STXBP5L: variants seen among roughly 807,000 people sequenced by gnomAD.
STXBP5L encodes the protein syntaxin binding protein 5L, also known as syntaxin-binding protein 5-like.
Under a neutral mutation model 144.5 loss-of-function variants are expected in STXBP5L, and 65 were observed. The ratio of observed to expected loss-of-function variants is 0.45; its 90% CI spans 0.37 to 0.55. The LOEUF (loss-of-function observed/expected upper bound fraction) is 0.55, where lower values mean the gene tolerates loss of function less well. Ranked by LOEUF, STXBP5L falls within the 20% of genes least tolerant of loss-of-function variation. STXBP5L has a pLI of 0.00. For missense variants in STXBP5L, 1,298 were observed against 1,405.5 expected (o/e 0.92, Z 1.22); for synonymous variants, 505 against 469.6 (o/e 1.08, Z -0.97).
intron 2 of STXBP5L, among the ~76,000 whole-genome samples, chr3:120,917,106 T>C (rs1709140338): frequency 6.6e-6 from 1 of 152,194 alleles, no homozygotes; most frequent in Non-Finnish European, 1.5e-5. Flanking sequence ...ATCTGAAGCA[T>C]TCTTTAGAGA....
chr3:121,055,670 C>T (rs1018371842), intron 5 of STXBP5L, among the ~76,000 whole-genome samples: 1 of 147,170 alleles, frequency 6.8e-6, no homozygotes, highest in Non-Finnish European at 1.5e-5. Flanking sequence ...CTACCATACC[C>T]AGCTATTTTT....
chr3:121,311,508 T>C (rs1029237074), intron 19 of STXBP5L, among the ~76,000 whole-genome samples: 1 of 152,214 alleles, frequency 6.6e-6, no homozygotes, highest in Non-Finnish European at 1.5e-5. Flanking sequence ...ATGAAATAAA[T>C]GTTATATACA....
chr3:121,027,071 G>A (rs985291118), intron 3 of STXBP5L, among the ~76,000 whole-genome samples: 3 of 151,750 alleles, frequency 2.0e-5, no homozygotes, highest in Admixed American at 2.0e-4. Flanking sequence ...CAAAATGAAT[G>A]TAAGTTTTTC....
chr3:121,303,786 C>A (rs1181377122), intron 19 of STXBP5L, among the ~76,000 whole-genome samples: 3 of 151,940 alleles, frequency 2.0e-5, no homozygotes, highest in Admixed American at 6.6e-5. Context: ...GGACAAAAAA[C>A]CAAACACTAC....
intron 3 of STXBP5L, among the ~76,000 whole-genome samples, chr3:121,014,916 T>C (rs748382948): frequency 2.0e-5 from 3 of 152,066 alleles, no homozygotes; most frequent in Non-Finnish European, 2.9e-5. Flanking sequence ...TTAACTTTAA[T>C]ATTGATAAAA....
intron 9 of STXBP5L, among the ~76,000 whole-genome samples, chr3:121,176,593 T>G (rs2046945813): frequency 6.7e-6 from 1 of 150,272 alleles, no homozygotes; most frequent in Non-Finnish European, 1.5e-5. Flanking sequence ...ATCAAAAATT[T>G]AAAAATTATG....
At chr3:120,957,190 C>T (rs2107712706) in intron 3 of STXBP5L, among the ~76,000 whole-genome samples, 1 of 151,920 alleles carries the variant, frequency 6.6e-6, no homozygotes, top group East Asian at 1.9e-4. Context: ...AGGTATGTTT[C>T]TATGTTACTA....
intron 19 of STXBP5L, among the ~76,000 whole-genome samples, chr3:121,303,663 TG>T (rs1245195111): frequency 6.6e-6 from 1 of 152,058 alleles, no homozygotes; most frequent in East Asian, 1.9e-4. Context: ...ATTAAGAAAA[TG>T]TGGCACATAT....
chr3:121,204,581 A>G (rs1204529154), intron 9 of STXBP5L, among the ~76,000 whole-genome samples: 1 of 148,180 alleles, frequency 6.7e-6, no homozygotes, highest in African/African-American at 2.4e-5. Flanking sequence ...ATTTAAAGCT[A>G]TATGCATGTA....
intron 24 of STXBP5L, among the ~76,000 whole-genome samples, chr3:121,414,405 CTCACT>C (rs2047187387): frequency 6.6e-6 from 1 of 152,180 alleles, no homozygotes; most frequent in Admixed American, 6.6e-5. Flanking sequence ...TGTGACCACC[CTCACT>C]TAAGGTTAAA....
intron 23 of STXBP5L, among the ~76,000 whole-genome samples, chr3:121,410,351 C>T (rs2047087481): frequency 6.6e-6 from 1 of 151,714 alleles, no homozygotes; most frequent in African/African-American, 2.4e-5. Context: ...TTCATGTGTT[C>T]CTGAGGATCC....
chr3:121,133,948 C>T (rs2045120448), intron 7 of STXBP5L, among the ~76,000 whole-genome samples: 1 of 152,156 alleles, frequency 6.6e-6, no homozygotes, highest in Admixed American at 6.5e-5. Context: ...ATCCAGTCAC[C>T]TGCCACCAGT....
At chr3:121,144,151 A>G (rs2045625616) in intron 7 of STXBP5L, among the ~76,000 whole-genome samples, 1 of 151,596 alleles carries the variant, frequency 6.6e-6, no homozygotes, top group Admixed American at 6.6e-5. Context: ...AAAAAAAAAA[A>G]AAAAAAATCT....
At chr3:120,958,182 C>A (rs569901149) in intron 3 of STXBP5L, among the ~76,000 whole-genome samples, 1 of 152,278 alleles carries the variant, frequency 6.6e-6, no homozygotes, top group South Asian at 2.1e-4. Flanking sequence ...TTCCTGGACA[C>A]ATACACCCTC....
chr3:121,234,858 A>T (rs2049423516), intron 12 of STXBP5L, among the ~76,000 whole-genome samples: 1 of 151,906 alleles, frequency 6.6e-6, no homozygotes, highest in African/African-American at 2.4e-5. Context: ...TTATTAAAAC[A>T]TACTCTTCTA....
intron 10 of STXBP5L, among the ~76,000 whole-genome samples, chr3:121,222,483 A>C (rs2049002892): frequency 6.6e-6 from 1 of 151,732 alleles, no homozygotes; most frequent in African/African-American, 2.4e-5. Flanking sequence ...TTTTATCTTT[A>C]CTCTTTTTTC....
intron 19 of STXBP5L, among the ~76,000 whole-genome samples, chr3:121,316,608 A>G (rs2043796995): frequency 6.6e-6 from 1 of 152,184 alleles, no homozygotes; most frequent in Non-Finnish European, 1.5e-5. Flanking sequence ...AGGTGGGAAA[A>G]CGATAATTTA....
At chr3:121,329,200 C>T (rs2044246666) in intron 20 of STXBP5L, among the ~76,000 whole-genome samples, 1 of 152,038 alleles carries the variant, frequency 6.6e-6, no homozygotes, top group Non-Finnish European at 1.5e-5. Context: ...GGGTAAAAGT[C>T]CCGTAGGTTG....
In STXBP5L at chr3:120,963,037, G is replaced by A. The variant is rs148781839; in HGVS notation, c.287+8000G>A. 3.0e-4 allele frequency among the ~76,000 whole-genome samples: 46 copies of A among 152,128 alleles called. 1 individual carries two copies. The highest frequency in any genetic ancestry group is 2.5e-3 in the East Asian group (13 of 5,182). On this transcript the variant is annotated intron_variant, in intron 3 of 26. Coordinates refer to ENST00000471454, the MANE Select transcript of STXBP5L (RefSeq NM_001308330.2). ...TAGGTATTTTATTCTCTTTGTAGCC[G>A]TTGTAAATGGGAGTTCACTCATGAT...
Sources: allele counts gnomAD v4.1 joint callset (sites outside exome capture counted in the v4.1 genomes callset), GRCh38; gene constraint gnomAD v4.1.1; transcripts MANE v1.5; gene names NCBI Gene and HGNC (gene_info 2026-07-23, HGNC 2026-07-21).